GABBR2: variants seen among roughly 807,000 people sequenced by gnomAD.
GABBR2 encodes the protein gamma-aminobutyric acid type B receptor subunit 2.
Under a neutral mutation model 105.6 loss-of-function variants are expected in GABBR2, and 23 were observed. The ratio of observed to expected loss-of-function variants is 0.22; its 90% CI spans 0.16 to 0.31. GABBR2 has a LOEUF of 0.31. Ranked by LOEUF, GABBR2 falls within the 10% of genes least tolerant of loss-of-function variation. GABBR2 has a pLI of 1.00. For synonymous variants in GABBR2, 478 were observed against 499.7 expected (o/e 0.96, Z 0.58); for missense variants, 734 against 1,245.5 (o/e 0.59, Z 6.18).
chr9:98,626,508 G>T (rs971558165), intron 1 of GABBR2, among the ~76,000 whole-genome samples: 1 of 152,164 alleles, frequency 6.6e-6, no homozygotes, highest in Non-Finnish European at 1.5e-5. Context: ...GTAGTGAAGA[G>T]CCTGGGTCAA....
At chr9:98,536,813 T>C (rs564466119) in intron 3 of GABBR2, among the ~76,000 whole-genome samples, 3 of 152,256 alleles carry the variant, frequency 2.0e-5, no homozygotes, top group African/African-American at 7.2e-5. Flanking sequence ...ACAGACTTCG[T>C]GGACCACCCA....
rs543059055 is a variant in GABBR2 at position 98,516,945 on chromosome 9, C to A, written c.631-20431G>T. 1.2e-4 allele frequency among the ~76,000 whole-genome samples: 18 copies of A among 152,336 alleles called. No homozygotes were observed. The Middle Eastern group carries it at 0.01, about 86-fold the overall frequency. ...GGGAGGCCAGCAATCTGTGTTTGCA[C>A]AAAATGCTGTGAGATCTTGGTTGCA... On this transcript the variant is annotated intron_variant, in intron 3 of 18. Transcript: ENST00000259455.
chr9:98,638,573 C>T (rs967492021), intron 1 of GABBR2, among the ~76,000 whole-genome samples: 2 of 152,170 alleles, frequency 1.3e-5, no homozygotes, highest in Non-Finnish European at 2.9e-5. Context: ...AAAAACCCAC[C>T]AAGAGTTTTG....
Position 98,463,609 on chromosome 9 carries a change from C to G in GABBR2, c.1000-9392G>C, listed in dbSNP as rs868378174. The stretch of plus-strand genomic sequence containing the variant: ...CCTCGCCCTCTCGCTCTCCGTCTCG[C>G]TCTCGCTCTCGCTCTCCGTCTCGCT... On this transcript the variant is annotated intron_variant, in intron 6 of 18. Transcript: ENST00000259455. Among the ~76,000 whole-genome samples, 6 of 49,246 alleles carry G rather than the reference C, an allele frequency of 1.2e-4. No individual in the cohort carries two copies. In the South Asian group the frequency reaches 2.2e-3, roughly 18 times the overall value. The allele number at this position is 49,246 out of a possible 152,430, so 32.3% of individuals were successfully genotyped here. A position where few individuals can be genotyped will look rare whatever the true frequency, so the allele number is the denominator to read the frequency against.
intron 12 of GABBR2, among the ~76,000 whole-genome samples, chr9:98,367,574 G>A (rs1270248860): frequency 6.6e-6 from 1 of 152,096 alleles, no homozygotes; most frequent in African/African-American, 2.4e-5. Flanking sequence ...CAATACAAAC[G>A]AACAACATGA....
intron 13 of GABBR2, among the ~76,000 whole-genome samples, chr9:98,344,619 G>GCT (rs1172582110): frequency 6.6e-6 from 1 of 152,094 alleles, no homozygotes; most frequent in Non-Finnish European, 1.5e-5. Context: ...CCTGGGGACA[G>GCT]CTCTCTCTCC....
intron 4 of GABBR2, among the ~76,000 whole-genome samples, chr9:98,491,353 C>G (rs1218605436): frequency 6.6e-6 from 1 of 152,172 alleles, no homozygotes; most frequent in East Asian, 1.9e-4. Flanking sequence ...ATGTAAATAG[C>G]TAGAGTTCGT....
intron 13 of GABBR2, among the ~76,000 whole-genome samples, chr9:98,349,773 G>T (rs1480419401): frequency 6.6e-6 from 1 of 152,168 alleles, no homozygotes; most frequent in African/African-American, 2.4e-5. Flanking sequence ...CTGGTAGAAT[G>T]AATAAGAAAG....
At chr9:98,448,851 A>G (rs974930144) in intron 7 of GABBR2, among the ~76,000 whole-genome samples, 1 of 152,130 alleles carries the variant, frequency 6.6e-6, no homozygotes, top group East Asian at 1.9e-4. Context: ...GACATACCCA[A>G]AGGATTTGTC....
intron 2 of GABBR2, among the ~76,000 whole-genome samples, chr9:98,556,477 T>G (rs562387702): frequency 6.6e-6 from 1 of 152,280 alleles, no homozygotes; most frequent in East Asian, 1.9e-4. Flanking sequence ...GAAACTTAGC[T>G]GAGTCAAGAT....
At chr9:98,316,155 C>CTT (rs3059584) in intron 13 of GABBR2, among the ~76,000 whole-genome samples, 31,021 of 146,182 alleles carry the variant, frequency 0.21, 3,658 homozygotes, top group East Asian at 0.36. Flanking sequence ...TTTCAACTGG[C>CTT]TTTTTTTTTT....
intron 7 of GABBR2, among the ~76,000 whole-genome samples, chr9:98,420,648 C>G (rs990050957): frequency 6.6e-6 from 1 of 152,182 alleles, no homozygotes; most frequent in Non-Finnish European, 1.5e-5. Context: ...TGGCAGAGGG[C>G]CTGGGCTGTG....
At chr9:98,491,553 T>C (rs1827175924) in intron 4 of GABBR2, among the ~76,000 whole-genome samples, 1 of 152,216 alleles carries the variant, frequency 6.6e-6, no homozygotes, top group Non-Finnish European at 1.5e-5. Flanking sequence ...CAGCTTCAGG[T>C]TCTGTTTGCA....
chr9:98,694,837 G>A (rs1183139078), intron 1 of GABBR2, among the ~76,000 whole-genome samples: 1 of 152,216 alleles, frequency 6.6e-6, no homozygotes, highest in Non-Finnish European at 1.5e-5. Context: ...CTAAGGTGCA[G>A]AGAAGTTAAA....
intron 1 of GABBR2, among the ~76,000 whole-genome samples, chr9:98,627,027 C>T (rs909702505): frequency 2.0e-5 from 3 of 152,174 alleles, no homozygotes; most frequent in Non-Finnish European, 2.9e-5. Flanking sequence ...ACCTTGGATG[C>T]TTTTCAGATG....
intron 2 of GABBR2, among the ~76,000 whole-genome samples, chr9:98,566,437 A>G (rs939239627): frequency 5.3e-5 from 8 of 152,170 alleles, no homozygotes; most frequent in Non-Finnish European, 7.4e-5. Context: ...GCACTTTGGA[A>G]GGCCGAGGCG....
chr9:98,344,980 C>A (rs1470625058), intron 13 of GABBR2, among the ~76,000 whole-genome samples: 1 of 152,158 alleles, frequency 6.6e-6, no homozygotes, highest in East Asian at 1.9e-4. Context: ...TGTTGCCTCC[C>A]AAGCCCATTC....
intron 1 of GABBR2, among the ~76,000 whole-genome samples, chr9:98,650,235 T>C (rs1449593441): frequency 6.6e-6 from 1 of 152,230 alleles, no homozygotes; most frequent in Non-Finnish European, 1.5e-5. Context: ...TGTGGAATAA[T>C]TGAGCCAGGC....
chr9:98,382,782 T>C (rs1832001664), intron 11 of GABBR2, among the ~76,000 whole-genome samples: 1 of 152,198 alleles, frequency 6.6e-6, no homozygotes, highest in Non-Finnish European at 1.5e-5. Flanking sequence ...AAGCTGACCA[T>C]AAATAAATTG....
Sources: allele counts gnomAD v4.1 joint callset (sites outside exome capture counted in the v4.1 genomes callset), GRCh38; gene constraint gnomAD v4.1.1; transcripts MANE v1.5; gene names NCBI Gene and HGNC (gene_info 2026-07-23, HGNC 2026-07-21).